ARHGAP44: variants seen among roughly 807,000 people sequenced by gnomAD.
ARHGAP44 encodes the protein Rho GTPase activating protein 44.
In ARHGAP44, 43 loss-of-function variants were observed where a neutral mutation model predicts 106.8. The ratio of observed to expected loss-of-function variants is 0.40; its 90% CI spans 0.32 to 0.52. The LOEUF is 0.52. Among genes scored for constraint, ARHGAP44 ranks in the 20% least tolerant of loss-of-function variants. ARHGAP44 has a pLI of 0.48. For synonymous variants in ARHGAP44, 439 were observed against 410.3 expected (o/e 1.07, Z -0.85); for missense variants, 866 against 1,050.5 (o/e 0.82, Z 2.43).
intron 6 of ARHGAP44, among the ~76,000 whole-genome samples, chr17:12,923,637 A>G (rs962855618): frequency 8.5e-5 from 13 of 152,298 alleles, no homozygotes; most frequent in Non-Finnish European, 1.3e-4. Flanking sequence ...TAGATTCCCC[A>G]TAAGTATGAG....
At chr17:12,927,142 T>C (rs2038271691) in intron 6 of ARHGAP44, among the ~76,000 whole-genome samples, 1 of 152,216 alleles carries the variant, frequency 6.6e-6, no homozygotes, top group Admixed American at 6.5e-5. Context: ...CCTTTCTAGT[T>C]TGCCCTGAAT....
At chr17:12,833,324 A>G (rs994011934) in intron 1 of ARHGAP44, among the ~76,000 whole-genome samples, 23 of 152,214 alleles carry the variant, frequency 1.5e-4, no homozygotes, top group African/African-American at 5.5e-4. Context: ...TGTATTCATC[A>G]TAGTCCTGAT....
At chr17:12,848,759 A>G (rs1441349135) in intron 1 of ARHGAP44, among the ~76,000 whole-genome samples, 1 of 152,162 alleles carries the variant, frequency 6.6e-6, no homozygotes, top group African/African-American at 2.4e-5. Context: ...ATCAAAAGAA[A>G]TGTTGAGGCT....
At chr17:12,873,173 A>G (rs2036452139) in intron 1 of ARHGAP44, among the ~76,000 whole-genome samples, 2 of 151,344 alleles carry the variant, frequency 1.3e-5, no homozygotes, top group Admixed American at 1.3e-4. Flanking sequence ...CCTAATTCCC[A>G]TGAGGTGACT....
chr17:12,854,987 C>T (rs1378211110), intron 1 of ARHGAP44, among the ~76,000 whole-genome samples: 1 of 143,926 alleles, frequency 6.9e-6, no homozygotes, highest in Non-Finnish European at 1.5e-5. Context: ...AAAAAAGAAG[C>T]AGTGTCTCTA....
intron 18 of ARHGAP44, among the ~76,000 whole-genome samples, chr17:12,974,908 G>C (rs1354003553): frequency 6.7e-6 from 1 of 149,222 alleles, no homozygotes; most frequent in African/African-American, 2.5e-5. Context: ...GGAGTGCAGA[G>C]GCGCGATCTC....
At chr17:12,891,638 G>T (rs928011125) in intron 1 of ARHGAP44, among the ~76,000 whole-genome samples, 8 of 152,170 alleles carry the variant, frequency 5.3e-5, no homozygotes, top group Non-Finnish European at 1.2e-4. Flanking sequence ...GAACTTTGAG[G>T]AACACATCCA....
At chr17:12,819,887 C>T (rs914099848) in intron 1 of ARHGAP44, among the ~76,000 whole-genome samples, 7 of 152,010 alleles carry the variant, frequency 4.6e-5, no homozygotes, top group African/African-American at 1.7e-4. Context: ...TTCTTGATGT[C>T]TTTATGAACA....
At chr17:12,935,072 C>G (rs143839679) in intron 7 of ARHGAP44, among the ~76,000 whole-genome samples, 2 of 152,206 alleles carry the variant, frequency 1.3e-5, no homozygotes, top group African/African-American at 4.8e-5. Flanking sequence ...TCGGACAGAA[C>G]TTAGATCTGA....
chr17:12,959,206 G>T (rs62058120), intron 16 of ARHGAP44, among the ~76,000 whole-genome samples: 5,079 of 152,162 alleles, frequency 0.033, 116 homozygotes, highest in Non-Finnish European at 0.052. Flanking sequence ...ACTTTATTTG[G>T]AATCAAAATG....
chr17:12,901,028 A>G (rs1050596819), intron 3 of ARHGAP44, among the ~76,000 whole-genome samples: 16 of 150,182 alleles, frequency 1.1e-4, no homozygotes, highest in East Asian at 4.0e-4. Flanking sequence ...GGTTCAAGCA[A>G]TTCTCCTGCC....
rs2038328012 is a variant in ARHGAP44, at chr17:12,929,064, T to C, written c.582+18T>C. 6.3e-7 allele frequency: 1 copy of C among 1,596,720 alleles called. No individual in the cohort carries two copies. The highest frequency in any genetic ancestry group is 8.5e-7 in the Non-Finnish European group (1 of 1,169,698). On this transcript the variant is annotated intron_variant, in intron 7 of 20. Coordinates refer to ENST00000379672, the MANE Select transcript of ARHGAP44 (RefSeq NM_014859.6). ...TTTGCAGGGTACCTGCCCTCTTTGC[T>C]CCTCTCTACTGGGACAGGCTGGGGA...
chr17:12,897,323 C>T (rs978280166), intron 3 of ARHGAP44, among the ~76,000 whole-genome samples: 7 of 151,784 alleles, frequency 4.6e-5, no homozygotes, highest in Non-Finnish European at 8.8e-5. Flanking sequence ...CGATGCCCCT[C>T]GGCTTATGTT....
At chr17:12,856,659 T>C (rs1489489027) in intron 1 of ARHGAP44, among the ~76,000 whole-genome samples, 1 of 152,098 alleles carries the variant, frequency 6.6e-6, no homozygotes, top group Non-Finnish European at 1.5e-5. Context: ...TCAGACTGGG[T>C]TCCTAATCTG....
At chr17:12,978,035 T>TAAAAAAA (rs757585682) in intron 18 of ARHGAP44, among the ~76,000 whole-genome samples, 1,028 of 55,470 alleles carry the variant, frequency 0.019, 145 homozygotes, top group Non-Finnish European at 0.023. Flanking sequence ...AGACTCCATC[T>TAAAAAAA]CAAAAAAAAA....
intron 3 of ARHGAP44, among the ~76,000 whole-genome samples, chr17:12,902,910 T>C (rs550021771): frequency 3.1e-4 from 47 of 152,230 alleles, no homozygotes; most frequent in African/African-American, 1.1e-3. Flanking sequence ...AAGTGTAACC[T>C]GATGCTGTTA....
intron 5 of ARHGAP44, among the ~76,000 whole-genome samples, chr17:12,918,516 A>G (rs1452779772): frequency 6.6e-6 from 1 of 152,236 alleles, no homozygotes; most frequent in African/African-American, 2.4e-5. Flanking sequence ...ATGAAAAAAT[A>G]TAAAAAGAGC....
intron 1 of ARHGAP44, among the ~76,000 whole-genome samples, chr17:12,870,318 A>G (rs1011983821): frequency 2.6e-5 from 4 of 152,124 alleles, no homozygotes; most frequent in African/African-American, 7.2e-5. Flanking sequence ...GTGGGATTAC[A>G]GGTACAAGCC....
intron 7 of ARHGAP44, among the ~76,000 whole-genome samples, chr17:12,931,799 G>A (rs892604769): frequency 6.6e-5 from 10 of 150,848 alleles, no homozygotes; most frequent in Admixed American, 1.3e-4. Context: ...GCACCCAGCC[G>A]TTAGTCTTTT....
Sources: allele counts gnomAD v4.1 joint callset (sites outside exome capture counted in the v4.1 genomes callset), GRCh38; gene constraint gnomAD v4.1.1; transcripts MANE v1.5; gene names NCBI Gene and HGNC (gene_info 2026-07-23, HGNC 2026-07-21).